The following ASIC2 variants were observed in gnomAD, a reference collection of about 807,000 sequenced individuals.
ASIC2 encodes the protein acid sensing ion channel subunit 2, also known as acid-sensing ion channel 2.
ASIC2 carries 25 observed loss-of-function variants against 57.3 expected under a neutral mutation model. The ratio of observed to expected loss-of-function variants is 0.44; its 90% CI spans 0.32 to 0.61. The LOEUF is 0.61. Among genes scored for constraint, ASIC2 ranks in the 20% least tolerant of loss-of-function variants. ASIC2 has a pLI of 0.06. For synonymous variants in ASIC2, 319 were observed against 307.5 expected (o/e 1.04, Z -0.39); for missense variants, 641 against 738.1 (o/e 0.87, Z 1.52).
chr17:34,132,964 C>T (rs964069216), intron 1 of ASIC2, among the ~76,000 whole-genome samples: 6 of 152,302 alleles, frequency 3.9e-5, no homozygotes, highest in South Asian at 2.1e-4. Context: ...TCTAACCCAT[C>T]GCGGCCTGTT....
intron 1 of ASIC2, among the ~76,000 whole-genome samples, chr17:33,662,633 A>G (rs548606519): frequency 2.2e-5 from 2 of 91,830 alleles, no homozygotes; most frequent in African/African-American, 9.7e-5. Context: ...AAAAATAAAT[A>G]AATAAATAAA....
intron 1 of ASIC2, among the ~76,000 whole-genome samples, chr17:34,044,920 T>C (rs1338035575): frequency 1.3e-5 from 2 of 152,246 alleles, no homozygotes; most frequent in Non-Finnish European, 2.9e-5. Flanking sequence ...GCGTCTTCTC[T>C]GAGACACATA....
chr17:33,498,538 G>T (rs1914007886), intron 1 of ASIC2, among the ~76,000 whole-genome samples: 1 of 152,210 alleles, frequency 6.6e-6, no homozygotes, highest in Non-Finnish European at 1.5e-5. Flanking sequence ...GGGCTGACAA[G>T]CACTTGTGAG....
intron 1 of ASIC2, among the ~76,000 whole-genome samples, chr17:33,957,231 A>G (rs922634602): frequency 3.9e-5 from 6 of 152,304 alleles, no homozygotes; most frequent in African/African-American, 1.4e-4. Context: ...TCTTTAATCC[A>G]GGTGCATTTC....
At chr17:33,261,833 G>A (rs1371748762) in intron 1 of ASIC2, among the ~76,000 whole-genome samples, 1 of 146,886 alleles carries the variant, frequency 6.8e-6, no homozygotes, top group Non-Finnish European at 1.5e-5. Flanking sequence ...AACGTGGGGG[G>A]TGCTGGCTGC....
At chr17:34,095,981 A>C (rs924259394) in intron 1 of ASIC2, among the ~76,000 whole-genome samples, 1 of 152,128 alleles carries the variant, frequency 6.6e-6, no homozygotes, top group Non-Finnish European at 1.5e-5. Flanking sequence ...GCTCAGAAAA[A>C]GTAGATAACT....
At chr17:33,263,225 C>A (rs1356325059) in intron 1 of ASIC2, among the ~76,000 whole-genome samples, 1 of 152,148 alleles carries the variant, frequency 6.6e-6, no homozygotes, top group Non-Finnish European at 1.5e-5. Flanking sequence ...GCTGGAGGAA[C>A]TGTGTTTATG....
At chr17:33,505,406 CA>C (rs1914218564) in intron 1 of ASIC2, among the ~76,000 whole-genome samples, 1 of 152,088 alleles carries the variant, frequency 6.6e-6, no homozygotes, top group East Asian at 1.9e-4. Context: ...AACTATCTTG[CA>C]GTTAATTTTC....
At chr17:33,759,019 A>T (rs1910699026) in intron 1 of ASIC2, among the ~76,000 whole-genome samples, 2 of 152,252 alleles carry the variant, frequency 1.3e-5, no homozygotes, top group South Asian at 4.2e-4. Flanking sequence ...TTGGAAGAGC[A>T]GGCTAGAAAA....
At chr17:33,812,229 G>T (rs1331864979) in intron 1 of ASIC2, among the ~76,000 whole-genome samples, 1 of 152,022 alleles carries the variant, frequency 6.6e-6, no homozygotes, top group African/African-American at 2.4e-5. Context: ...CTTGAGGAAG[G>T]GCTGCTATGT....
intron 1 of ASIC2, among the ~76,000 whole-genome samples, chr17:33,659,506 A>C (rs1005391710): frequency 6.6e-6 from 1 of 152,234 alleles, no homozygotes; most frequent in Non-Finnish European, 1.5e-5. Flanking sequence ...AGGCAATTGT[A>C]ACACAATGGT....
chr17:33,655,523 C>G (rs765777780), intron 1 of ASIC2, among the ~76,000 whole-genome samples: 1 of 152,234 alleles, frequency 6.6e-6, no homozygotes, highest in Non-Finnish European at 1.5e-5. Context: ...ACACTGCAAT[C>G]TCTGATTTGC....
At chr17:33,335,164 C>A (rs1471340612) in intron 1 of ASIC2, among the ~76,000 whole-genome samples, 1 of 152,150 alleles carries the variant, frequency 6.6e-6, no homozygotes, top group South Asian at 2.1e-4. Flanking sequence ...ATAGCATTAG[C>A]GCTAGCGTCC....
At chr17:33,408,513 C>T (rs920408349) in intron 1 of ASIC2, among the ~76,000 whole-genome samples, 2 of 152,208 alleles carry the variant, frequency 1.3e-5, no homozygotes, top group East Asian at 1.9e-4. Flanking sequence ...CTTAAAAATA[C>T]AAGGCATATG....
chr17:33,944,385 A>G (rs1916259757), intron 1 of ASIC2, among the ~76,000 whole-genome samples: 1 of 152,228 alleles, frequency 6.6e-6, no homozygotes, highest in Non-Finnish European at 1.5e-5. Flanking sequence ...CTATCTCATT[A>G]GCCTCAGGAA....
At chr17:33,455,414 TC>T (rs1434900825) in intron 1 of ASIC2, among the ~76,000 whole-genome samples, 1 of 152,330 alleles carries the variant, frequency 6.6e-6, no homozygotes, top group Admixed American at 6.5e-5. Flanking sequence ...AACATTTAGC[TC>T]CCACTTATAA....
chr17:34,010,634 CAG>C (rs1422262044), intron 1 of ASIC2, among the ~76,000 whole-genome samples: 3 of 151,974 alleles, frequency 2.0e-5, no homozygotes, highest in Non-Finnish European at 1.5e-5. Context: ...CAAAAACACA[CAG>C]AGAGGCACAC....
chr17:33,151,183 ACACACACACACACACACGCGCG>A (rs1904779285), intron 1 of ASIC2, among the ~76,000 whole-genome samples: 2 of 29,910 alleles, frequency 6.7e-5, no homozygotes, highest in Non-Finnish European at 1.4e-4. Flanking sequence ...ACACACACGC[ACACACACACACACACACGCGCG>A]CACACACACA....
chr17:33,538,061 G>A (rs1915291410), intron 1 of ASIC2, among the ~76,000 whole-genome samples: 1 of 152,202 alleles, frequency 6.6e-6, no homozygotes, highest in South Asian at 2.1e-4. Context: ...TAAAGGAATA[G>A]AAGATTAAAA....
Sources: gnomAD v4.1 joint callset for allele counts (sites outside exome capture counted in the v4.1 genomes callset) on GRCh38, gnomAD v4.1.1 for gene constraint, MANE v1.5 for transcripts, NCBI Gene and HGNC (gene_info 2026-07-23, HGNC 2026-07-21) for gene names.